RTN4: variants seen among roughly 807,000 people sequenced by gnomAD.
The protein encoded by RTN4 is reticulon 4, also known as reticulon-4.
A neutral mutation model predicts 90.4 loss-of-function variants in RTN4; 32 were observed. That is an observed-to-expected ratio of 0.35 (90% confidence interval 0.27 to 0.48). The LOEUF is 0.48. Among genes scored for constraint, RTN4 ranks in the 20% least tolerant of loss-of-function variants. RTN4 has a pLI of 0.99. For missense variants in RTN4, 1,706 were observed against 1,430.2 expected, an observed-to-expected ratio of 1.19 and a Z score of -3.11; for synonymous variants, 629 against 552.5, an observed-to-expected ratio of 1.14 and a Z score of -1.94.
At chr2:55,086,535 TG>T (rs1230169648) in intron 1 of RTN4, among the ~76,000 whole-genome samples, 10 of 150,458 alleles carry the variant, frequency 6.6e-5, no homozygotes, top group African/African-American at 2.4e-4. Context: ...CCAAGCATGG[TG>T]GTATGCGCCT....
chr2:55,129,005 G>A, the RTN4 span, among the ~76,000 whole-genome samples: 9 of 151,822 alleles, frequency 5.9e-5, no homozygotes, highest in Non-Finnish European at 1.5e-5. Context: ...CTACTCGGGA[G>A]GCTGAGGCAG....
chr2:55,026,229 C>A lies in RTN4; in HGVS notation c.1870G>T (p.Val624Phe), dbSNP rs1681859557. 1 of 1,613,694 alleles carries A rather than the reference C, an allele frequency of 6.2e-7. No homozygotes were observed. Among genetic ancestry groups the A allele is most frequent in the African/African-American group, 1.3e-5 (1 of 74,900 alleles). Residue 624 changes from valine (V) to phenylalanine (F), a missense_variant, in exon 3 of 9, where the codon GTT (valine) becomes TTT (phenylalanine). Physicochemically the swap from Val to Phe is conservative, Grantham distance 50. Coordinates refer to ENST00000337526, the MANE Select transcript of RTN4 (RefSeq NM_020532.5). ...ATCACGGAAGCACCAGCACTAGGAA[C>A]TGCAGAATTCAATGGTGCTTCCATA... The part of the protein sequence containing the change: ...IVMEAPLNSA[V>F]PSAGASVIQP...
chr2:55,094,681 C>G (rs2920873), intron 1 of RTN4, among the ~76,000 whole-genome samples: 108,506 of 151,998 alleles, frequency 0.71, 38,909 homozygotes, highest in Middle Eastern at 0.81. Flanking sequence ...GCTTTCTGGG[C>G]AGGGGACATT....
At chr2:55,001,149 G>C (rs906122589) in intron 3 of RTN4, among the ~76,000 whole-genome samples, 5 of 152,092 alleles carry the variant, frequency 3.3e-5, no homozygotes, top group Admixed American at 1.3e-4. Context: ...CCAGGAAACA[G>C]AAGCCAAACA....
upstream of RTN4, among the ~76,000 whole-genome samples, chr2:55,116,976 C>T (rs992973425): frequency 6.7e-6 from 1 of 148,560 alleles, no homozygotes; most frequent in African/African-American, 2.5e-5. Flanking sequence ...TGGGTTCAAG[C>T]AATTCTCCTG....
intron 3 of RTN4, among the ~76,000 whole-genome samples, chr2:55,009,525 T>C (rs1466895287): frequency 1.3e-5 from 2 of 152,202 alleles, no homozygotes; most frequent in African/African-American, 2.4e-5. Flanking sequence ...AATATAGACA[T>C]GCATTTAAAA....
intron 1 of RTN4, among the ~76,000 whole-genome samples, chr2:55,111,054 T>C (rs1573524181): frequency 7.6e-6 from 1 of 131,996 alleles, no homozygotes; most frequent in Non-Finnish European, 1.8e-5. Context: ...ATAACAATAA[T>C]AATAATAATA....
intron 6 of RTN4, 36 bp from the exon 7 acceptor site, chr2:54,973,903 G>C: frequency 6.4e-7 from 1 of 1,561,724 alleles, no homozygotes; most frequent in South Asian, 1.1e-5. Context: ...CAAAAAGAAC[G>C]GAATGATTTG....
At chr2:55,053,304 T>C (rs1668129526), upstream of RTN4, among the ~76,000 whole-genome samples, 1 of 152,216 alleles carries the variant, frequency 6.6e-6, no homozygotes, top group African/African-American at 2.4e-5. Context: ...AACAAAATTC[T>C]GGTGGACATT....
chr2:55,083,896 T>G (rs567341738), intron 1 of RTN4, among the ~76,000 whole-genome samples: 3 of 152,204 alleles, frequency 2.0e-5, no homozygotes, highest in Non-Finnish European at 4.4e-5. Context: ...CATTCTTTGT[T>G]CTAATATTTG....
upstream of RTN4, among the ~76,000 whole-genome samples, chr2:55,053,622 G>T (rs1184569394): frequency 6.6e-6 from 1 of 151,250 alleles, no homozygotes; most frequent in Admixed American, 6.6e-5. Context: ...AGAGGCAGGG[G>T]TTGCAGTGAG....
chr2:54,997,484 C>G (rs1300415495), intron 3 of RTN4, among the ~76,000 whole-genome samples: 1 of 152,114 alleles, frequency 6.6e-6, no homozygotes, highest in Non-Finnish European at 1.5e-5. Context: ...ATCTTATTAC[C>G]TGGCAATTCC....
At chr2:54,979,492 T>C (rs1040739587) in intron 5 of RTN4, among the ~76,000 whole-genome samples, 1 of 152,196 alleles carries the variant, frequency 6.6e-6, no homozygotes, top group Admixed American at 6.5e-5. Context: ...GTGATTTTTA[T>C]CAGCTTCCTT....
upstream of RTN4, among the ~76,000 whole-genome samples, chr2:55,116,674 T>C (rs1414730448): frequency 3.3e-5 from 5 of 152,148 alleles, no homozygotes; most frequent in Non-Finnish European, 2.9e-5. Flanking sequence ...GATGAACTTA[T>C]AGTCACACAG....
At chr2:55,000,491 C>A (rs900308311) in intron 3 of RTN4, among the ~76,000 whole-genome samples, 9 of 152,134 alleles carry the variant, frequency 5.9e-5, no homozygotes, top group African/African-American at 1.9e-4. Context: ...AATAAACAAT[C>A]AGCAAAATTT....
At chr2:55,049,210 G>A (rs1667952414) in intron 1 of RTN4, 15 of 978,596 alleles carry the variant, frequency 1.5e-5, no homozygotes, top group African/African-American at 1.8e-5. Flanking sequence ...GGGAGGGGAA[G>A]CGCAAAGGGG....
intron 1 of RTN4, among the ~76,000 whole-genome samples, chr2:55,042,392 A>G (rs1683135967): frequency 6.6e-6 from 1 of 152,164 alleles, no homozygotes; most frequent in South Asian, 2.1e-4. Context: ...AACCTAAATA[A>G]CCATCAATAA....
chr2:55,029,569 A>G (rs1032074156), intron 1 of RTN4, among the ~76,000 whole-genome samples: 1 of 152,212 alleles, frequency 6.6e-6, no homozygotes. Flanking sequence ...CAAAACAGAT[A>G]AAAATCCAAG....
intron 3 of RTN4, among the ~76,000 whole-genome samples, chr2:55,023,121 C>G (rs1364143553): frequency 1.3e-5 from 2 of 152,102 alleles, no homozygotes; most frequent in Non-Finnish European, 2.9e-5. Context: ...ATGCCACAGT[C>G]CATCACTTCA....
Sources: allele counts gnomAD v4.1 joint callset (sites outside exome capture counted in the v4.1 genomes callset), GRCh38; gene constraint gnomAD v4.1.1; transcripts MANE v1.5; gene names NCBI Gene and HGNC (gene_info 2026-07-23, HGNC 2026-07-21).